Variants in MVB12B observed in about 807,000 individuals in gnomAD.
The protein encoded by MVB12B is ESCRT-I complex subunit MVB12B.
A neutral mutation model predicts 41.6 loss-of-function variants in MVB12B; 16 were observed. The ratio of observed to expected loss-of-function variants is 0.38; its 90% confidence interval spans 0.26 to 0.58. The LOEUF (loss-of-function observed/expected upper bound fraction) is 0.58, where lower values mean the gene tolerates loss of function less well. Ranked by LOEUF, MVB12B falls within the 20% of genes least tolerant of loss-of-function variation. The pLI is 0.62. For missense variants in MVB12B, 274 were observed against 380.2 expected (o/e 0.72, Z 2.32); for synonymous variants, 133 against 139.7 (o/e 0.95, Z 0.34).
At chr9:126,398,017 C>T (rs1831165528) in intron 6 of MVB12B, among the ~76,000 whole-genome samples, 1 of 152,054 alleles carries the variant, frequency 6.6e-6, no homozygotes, top group South Asian at 2.1e-4. Flanking sequence ...TCCTGTCTTC[C>T]CTTTCCCAGC....
chr9:126,409,243 A>AAACATTTTT (rs1831547758), intron 6 of MVB12B, among the ~76,000 whole-genome samples: 1 of 151,886 alleles, frequency 6.6e-6, no homozygotes, highest in Admixed American at 6.6e-5. Context: ...ACAGCCTTGA[A>AAACATTTTT]AACATTTTTG....
At chr9:126,352,751 A>G (rs1829787228) in intron 2 of MVB12B, among the ~76,000 whole-genome samples, 1 of 152,172 alleles carries the variant, frequency 6.6e-6, no homozygotes, top group African/African-American at 2.4e-5. Flanking sequence ...TTTACTCCAT[A>G]TTCCTGGAAG....
chr9:126,361,115 AT>A (rs766382836), intron 2 of MVB12B, among the ~76,000 whole-genome samples: 2 of 151,392 alleles, frequency 1.3e-5, no homozygotes, highest in East Asian at 3.9e-4. Context: ...TGTTTAATTA[AT>A]TTTTTCCCAT....
intron 6 of MVB12B, among the ~76,000 whole-genome samples, chr9:126,404,056 C>A (rs1831347219): frequency 1.3e-5 from 2 of 148,288 alleles, no homozygotes; most frequent in Admixed American, 1.4e-4. Flanking sequence ...TGGGTTCAAG[C>A]AGTTCTCCCA....
chr9:126,340,715 G>A lies in MVB12B; in HGVS notation c.204+85G>A, dbSNP rs10987251. On this transcript the variant is annotated intron_variant, in intron 2 of 9. Transcript: ENST00000361171. This position sits in a 1 kb window ranked among gnomAD's most constrained non-coding sequence, Gnocchi z 4.0. ...GTGTCCAAGACCTTCTGGCCCTTGC[G>A]TGTAAGATGTGCTTCTTCCCTCTAG... The A allele has an allele frequency of 0.31, 461,921 of 1,481,558 alleles. 72,478 individuals are homozygous for A. The highest frequency in any genetic ancestry group is 0.32 in the Non-Finnish European group (341,842 of 1,080,400). The allele number at this position is 1,481,558 out of a possible 1,614,324, so 91.8% of individuals were successfully genotyped here.
intron 7 of MVB12B, among the ~76,000 whole-genome samples, chr9:126,435,644 C>A (rs913252799): frequency 6.7e-6 from 1 of 149,462 alleles, no homozygotes; most frequent in Non-Finnish European, 1.5e-5. Context: ...CCTCCCAGAA[C>A]CTCTTATTTT....
At chr9:126,409,121 G>A (rs1171908095) in intron 6 of MVB12B, among the ~76,000 whole-genome samples, 1 of 152,084 alleles carries the variant, frequency 6.6e-6, no homozygotes, top group Non-Finnish European at 1.5e-5. Flanking sequence ...ATTGTGGGGG[G>A]GGGCTCAGTA....
chr9:126,371,682 C>T (rs1229398503), intron 2 of MVB12B, among the ~76,000 whole-genome samples: 1 of 152,136 alleles, frequency 6.6e-6, no homozygotes, highest in East Asian at 1.9e-4. Flanking sequence ...TTCAATGGTT[C>T]AATCAGCTGT....
At chr9:126,329,628 G>C (rs369647095) in intron 1 of MVB12B, among the ~76,000 whole-genome samples, 154 of 152,330 alleles carry the variant, frequency 1.0e-3, no homozygotes, top group African/African-American at 3.6e-3. Context: ...AGGCCCCTCT[G>C]TCTGAGTTTG....
intron 7 of MVB12B, among the ~76,000 whole-genome samples, chr9:126,434,451 G>C (rs185066640): frequency 1.3e-5 from 2 of 152,154 alleles, no homozygotes; most frequent in Admixed American, 1.3e-4. Context: ...ATGAACGATC[G>C]CATGATCCAC....
intron 7 of MVB12B, among the ~76,000 whole-genome samples, chr9:126,443,621 A>G (rs986340113): frequency 6.6e-6 from 1 of 152,264 alleles, no homozygotes; most frequent in African/African-American, 2.4e-5. Context: ...ACAGTATTTC[A>G]GTGTATGTCC....
rs1831014867 is a variant in MVB12B, at chr9:126,393,340, G to A, written c.539+1145G>A. ...TGGCTCCGGTGCTGGGCTCTGTTCT[G>A]ACATGTTTCCCCCTCGAGGAGGCCT... On this transcript the variant is annotated intron_variant, in intron 5 of 9. Coordinates refer to ENST00000361171, the MANE Select transcript of MVB12B (RefSeq NM_033446.3). 1.3e-5 allele frequency among the ~76,000 whole-genome samples: 2 copies of A among 152,234 alleles called. 1 individual carries two copies.
chr9:126,358,717 A>G (rs530744426), intron 2 of MVB12B, among the ~76,000 whole-genome samples: 1 of 152,328 alleles, frequency 6.6e-6, no homozygotes, highest in African/African-American at 2.4e-5. Context: ...TCCTATGTAG[A>G]TAATTATGTT....
intron 7 of MVB12B, among the ~76,000 whole-genome samples, chr9:126,464,895 A>G (rs376858907): frequency 6.6e-6 from 1 of 152,154 alleles, no homozygotes; most frequent in South Asian, 2.1e-4. Flanking sequence ...TGCCAGGGCC[A>G]TTGTGAGGTT....
At position 126,505,392 on chromosome 9, in the gene MVB12B, A is replaced by G. The variant is rs972245551; in HGVS notation, c.*2129A>G. On this transcript the variant is annotated 3_prime_UTR_variant, in exon 10 of 10. Transcript: ENST00000361171. ...TGGGGTCCCAGCCAGGTGCCCCCGC[A>G]TGCCCTCCTGCAGTTGCTGGATGGA... The G allele has an allele frequency of 6.6e-6, 1 of 152,212 alleles. No individual in the cohort carries two copies. Among genetic ancestry groups the G allele is most frequent in the African/African-American group, 2.4e-5 (1 of 41,452 alleles). 9.4% of individuals were successfully genotyped at this position (152,212 alleles called of 1,614,324 possible).
intron 9 of MVB12B, among the ~76,000 whole-genome samples, chr9:126,502,323 TTA>T (rs1833975061): frequency 6.7e-6 from 1 of 149,034 alleles, no homozygotes; most frequent in Non-Finnish European, 1.5e-5. Flanking sequence ...ATGCCCTGCC[TTA>T]TGTTTGGGCA....
At position 126,410,172 on chromosome 9, in the gene MVB12B, T is replaced by TGTGC. The variant is rs58568577; in HGVS notation, c.663-11681_663-11680insTGCG. 3.4e-3 allele frequency among the ~76,000 whole-genome samples: 439 copies of TGTGC among 127,674 alleles called. 1 individual carries two copies. Among genetic ancestry groups the TGTGC allele is most frequent in the African/African-American group, 0.012 (422 of 36,008 alleles). 83.8% of individuals were successfully genotyped at this position (127,674 alleles called of 152,430 possible). ...GTGTGTGTGTGTGTGTGTGTGTGTG[T>TGTGC]GCACGCATGCACGCGCATGCATGCA... On this transcript the variant is annotated intron_variant, in intron 6 of 9. Coordinates refer to ENST00000361171, the MANE Select transcript of MVB12B (RefSeq NM_033446.3).
At chr9:126,446,786 C>T (rs1832778544) in intron 7 of MVB12B, among the ~76,000 whole-genome samples, 1 of 151,402 alleles carries the variant, frequency 6.6e-6, no homozygotes, top group African/African-American at 2.4e-5. Context: ...CATATATATC[C>T]TGATGTTATT....
chr9:126,397,936 C>G (rs765383863), intron 6 of MVB12B, among the ~76,000 whole-genome samples: 1 of 152,050 alleles, frequency 6.6e-6, no homozygotes, highest in Non-Finnish European at 1.5e-5. Context: ...TGCTGGGGGT[C>G]TACCAGGAGC....
Sources: allele counts gnomAD v4.1 joint callset (sites outside exome capture counted in the v4.1 genomes callset), GRCh38; gene constraint gnomAD v4.1.1; non-coding constraint Gnocchi (gnomAD v3.1); transcripts MANE v1.5; gene names NCBI Gene and HGNC (gene_info 2026-07-23, HGNC 2026-07-21).